The following EXOC1 variants were observed in gnomAD, a reference collection of about 807,000 sequenced individuals.
EXOC1 encodes the protein exocyst complex component 1, also known as SEC3-like 1.
EXOC1 carries 67 observed loss-of-function variants against 107.7 expected under a neutral mutation model. The ratio of observed to expected loss-of-function variants is 0.62; its 90% CI spans 0.51 to 0.76. EXOC1 has a LOEUF of 0.76. Ranked by LOEUF, EXOC1 falls within the 30% of genes least tolerant of loss-of-function variation. The pLI is 0.00. For synonymous variants in EXOC1, 348 were observed against 353.5 expected (o/e 0.98, Z 0.17); for missense variants, 833 against 1,055.7 (o/e 0.79, Z 2.92).
chr4:55,881,865 C>G (rs891969312), intron 9 of EXOC1, among the ~76,000 whole-genome samples: 2 of 152,084 alleles, frequency 1.3e-5, no homozygotes, highest in African/African-American at 4.8e-5. Context: ...ATTTTCCTTT[C>G]ACATTGTATA....
chr4:55,866,645 A>G (rs951283005), intron 4 of EXOC1, among the ~76,000 whole-genome samples: 52 of 152,158 alleles, frequency 3.4e-4, no homozygotes, highest in African/African-American at 1.2e-3. Flanking sequence ...AAAGATAAAT[A>G]TATTTGTAGT....
chr4:55,880,019 A>G lies in EXOC1; in HGVS notation c.1224+1953A>G, dbSNP rs139506464. ...AATATAAAAGCAACTTCTATCTGGT[A>G]TCTTAGAGTCATGCTTCAGAAGAAA... On this transcript the variant is annotated intron_variant, in intron 9 of 18. Coordinates refer to ENST00000381295, the MANE Select transcript of EXOC1 (RefSeq NM_001024924.2). 7.8e-3 allele frequency among the ~76,000 whole-genome samples: 1,187 copies of G among 152,266 alleles called. 6 individuals carry two copies. Among genetic ancestry groups the G allele is most frequent in the African/African-American group, 0.027 (1,110 of 41,576 alleles).
At position 55,890,356 on chromosome 4, in the gene EXOC1, C is replaced by T. The variant is rs752098995; in HGVS notation, c.1509C>T (p.Leu503=). Reference sequence around the variant, plus strand: ...TGGGAAACATGTCTGCCTCTGATCTCGATGTTGCTGACAGGACCAAATTTG... The same window carrying T: ...TGGGAAACATGTCTGCCTCTGATCTTGATGTTGCTGACAGGACCAAATTTG... ...LDMGNMSASD[L]DVADRTKFDK... is the part of the protein sequence containing the mutation. The change falls in exon 12 of 19, where the codon CTC becomes CTT. Residue 503 remains leucine (L), a synonymous_variant. Transcript: ENST00000381295. The T allele has an allele frequency of 6.2e-6, 10 of 1,613,740 alleles. No homozygotes were observed. Among genetic ancestry groups the T allele is most frequent in the East Asian group, 2.2e-5 (1 of 44,862 alleles).
At chr4:55,895,872 C>G (rs1725144122) in intron 15 of EXOC1, among the ~76,000 whole-genome samples, 1 of 152,128 alleles carries the variant, frequency 6.6e-6, no homozygotes, top group African/African-American at 2.4e-5. Context: ...GCCTATCCTC[C>G]CTCTTTGTTT....
At chr4:55,876,548 C>G in intron 8 of EXOC1, 3 of 969,184 alleles carry the variant, frequency 3.1e-6, no homozygotes, top group Non-Finnish European at 3.7e-6. Flanking sequence ...GTTTTCAGAG[C>G]TTTTTGGCTG....
chr4:55,866,383 T>C (rs1052046770), intron 4 of EXOC1, among the ~76,000 whole-genome samples: 9 of 152,164 alleles, frequency 5.9e-5, no homozygotes, highest in South Asian at 2.1e-4. Context: ...CTTGAATCCT[T>C]AAATGCTGGC....
chr4:55,899,427 A>G (rs572252767), intron 16 of EXOC1, among the ~76,000 whole-genome samples: 6 of 152,258 alleles, frequency 3.9e-5, no homozygotes, highest in East Asian at 1.9e-4. Flanking sequence ...ATTTTGAATA[A>G]TTCATCATTT....
intron 11 of EXOC1, among the ~76,000 whole-genome samples, chr4:55,889,417 C>G (rs576953090): frequency 1.2e-4 from 18 of 152,078 alleles, no homozygotes; most frequent in Admixed American, 3.3e-4. Flanking sequence ...TTCTAAAAAT[C>G]AAATCCTTTA....
At chr4:55,858,534 T>C in intron 2 of EXOC1, 87 bp downstream of exon 2, 1 of 1,394,458 alleles carries the variant, frequency 7.2e-7, no homozygotes, top group East Asian at 2.5e-5. Flanking sequence ...ATCCTCATTG[T>C]CTCTGTAATT....
intron 9 of EXOC1, among the ~76,000 whole-genome samples, chr4:55,881,633 G>A (rs767198354): frequency 1.3e-5 from 2 of 152,154 alleles, no homozygotes; most frequent in African/African-American, 2.4e-5. Context: ...GCAAAGGTGG[G>A]ACAACAAAGT....
intron 9 of EXOC1, among the ~76,000 whole-genome samples, chr4:55,881,050 C>G (rs1384942262): frequency 6.6e-6 from 1 of 152,158 alleles, no homozygotes; most frequent in Non-Finnish European, 1.5e-5. Flanking sequence ...ACAGCTCACA[C>G]TTTTTGGCAG....
chr4:55,876,555 G>C (rs1220625164), intron 8 of EXOC1: 1 of 975,024 alleles, frequency 1.0e-6, no homozygotes, highest in Non-Finnish European at 1.2e-6. Flanking sequence ...GAGCTTTTTG[G>C]CTGTCAGAAT....
intron 5 of EXOC1, among the ~76,000 whole-genome samples, chr4:55,869,776 A>T (rs1486621162): frequency 6.6e-6 from 1 of 152,230 alleles, no homozygotes; most frequent in Non-Finnish European, 1.5e-5. Context: ...ATAGTATGTA[A>T]ATAACGTGTG....
chr4:55,879,939 G>A (rs1181266466), intron 9 of EXOC1, among the ~76,000 whole-genome samples: 1 of 151,930 alleles, frequency 6.6e-6, no homozygotes, highest in Non-Finnish European at 1.5e-5. Context: ...AGATGTTCTA[G>A]AATTGGAAAT....
At chr4:55,898,052 C>G (rs888285976) in intron 16 of EXOC1, among the ~76,000 whole-genome samples, 1 of 152,108 alleles carries the variant, frequency 6.6e-6, no homozygotes, top group African/African-American at 2.4e-5. Context: ...CCCAGGAGTT[C>G]AAGACCAGCC....
chr4:55,866,687 A>G (rs1279326960), intron 4 of EXOC1, among the ~76,000 whole-genome samples: 1 of 152,208 alleles, frequency 6.6e-6, no homozygotes, highest in Admixed American at 6.5e-5. Context: ...AAAAATGAAC[A>G]CGGCAAATTT....
intron 4 of EXOC1, chr4:55,866,928 T>G (rs1384251251): frequency 1.5e-5 from 15 of 982,022 alleles, no homozygotes; most frequent in Non-Finnish European, 1.8e-5. Flanking sequence ...TTCCATATGT[T>G]TTTATTAGTT....
intron 13 of EXOC1, among the ~76,000 whole-genome samples, chr4:55,892,194 C>G (rs529756747): frequency 4.8e-4 from 72 of 151,530 alleles, no homozygotes; most frequent in Non-Finnish European, 9.3e-4. Context: ...TTGTTGGCCT[C>G]TGTAAGAATT....
At chr4:55,904,293 T>C in intron 18 of EXOC1, 50 bp from the exon 19 acceptor site, 1 of 1,529,164 alleles carries the variant, frequency 6.5e-7, no homozygotes, top group Non-Finnish European at 8.8e-7. Context: ...GCATACTAGA[T>C]TACATATTAT....
Sources: allele counts gnomAD v4.1 joint callset (sites outside exome capture counted in the v4.1 genomes callset), GRCh38; gene constraint gnomAD v4.1.1; transcripts MANE v1.5; gene names NCBI Gene and HGNC (gene_info 2026-07-23, HGNC 2026-07-21).